Variants in CC2D2A observed in about 807,000 individuals in gnomAD.
CC2D2A encodes the protein coiled-coil and C2 domain-containing protein 2A.
Under a neutral mutation model 212.9 loss-of-function variants are expected in CC2D2A, and 155 were observed. The ratio of observed to expected loss-of-function variants is 0.73; its 90% CI spans 0.64 to 0.83. The LOEUF is 0.83. Ranked by LOEUF, CC2D2A falls within the 40% of genes least tolerant of loss-of-function variation. The probability of loss-of-function intolerance (pLI) is 0.00; values close to 1 mark genes in which losing one functional copy is unlikely to be tolerated. For synonymous variants in CC2D2A, 667 were observed against 686.5 expected, an observed-to-expected ratio of 0.97 and a Z score of 0.44; for missense variants, 1,856 against 1,956.2, an observed-to-expected ratio of 0.95 and a Z score of 0.97.
At chr4:15,487,358 C>T (rs1715053558) in intron 4 of CC2D2A, among the ~76,000 whole-genome samples, 1 of 152,026 alleles carries the variant, frequency 6.6e-6, no homozygotes, top group Non-Finnish European at 1.5e-5. Flanking sequence ...AGTATTATAT[C>T]CTCTTGATGA....
chr4:15,568,545 G>A (rs946250982), intron 26 of CC2D2A, among the ~76,000 whole-genome samples: 7 of 152,144 alleles, frequency 4.6e-5, no homozygotes, highest in Admixed American at 1.3e-4. Context: ...TCAAGATCAC[G>A]CCACTGCACT....
chr4:15,566,069 G>T (rs1238833260), intron 24 of CC2D2A, among the ~76,000 whole-genome samples: 2 of 152,230 alleles, frequency 1.3e-5, no homozygotes, highest in African/African-American at 2.4e-5. Context: ...TTTGCCCAGT[G>T]ATGAATGTGA....
chr4:15,500,885 C>A (rs1715909437), intron 4 of CC2D2A, among the ~76,000 whole-genome samples: 2 of 152,158 alleles, frequency 1.3e-5, no homozygotes. Flanking sequence ...CTTCAGCGCT[C>A]ACCATGGTTG....
chr4:15,516,351 T>A (rs1577340922), intron 10 of CC2D2A, among the ~76,000 whole-genome samples: 2 of 152,130 alleles, frequency 1.3e-5, no homozygotes, highest in Admixed American at 1.3e-4. Context: ...TTCTTAAATG[T>A]TTAATTAATA....
rs769867087 is a variant in CC2D2A at position 15,570,727 on chromosome 4, G to A, written c.3594+231G>A. Among the ~76,000 whole-genome samples, 10 of 152,084 alleles carry A rather than the reference G, an allele frequency of 6.6e-5. No individual in the cohort carries two copies. In the South Asian group the frequency reaches 8.3e-4, roughly 13 times the overall value. ...AAAAATTAGCCGGGCGTGGTGGTGC[G>A]CACCTGTAATCCCAGCTACTCGGGA... is the stretch of plus-strand genomic sequence containing the variant. On this transcript the variant is annotated intron_variant, in intron 28 of 36. Coordinates refer to ENST00000424120, the MANE Select transcript of CC2D2A (RefSeq NM_001378615.1).
At chr4:15,540,743 T>C (rs1236136075) in intron 16 of CC2D2A, 94 bp from the exon 17 acceptor site, 12 of 1,145,582 alleles carry the variant, frequency 1.0e-5, no homozygotes, top group Non-Finnish European at 1.4e-5. Flanking sequence ...TTGCCTGCAG[T>C]GTGTCTTGTT....
chr4:15,551,030 GA>G (rs1718982109), intron 18 of CC2D2A, 50 bp downstream of exon 18: 1 of 1,419,710 alleles, frequency 7.0e-7, no homozygotes, highest in Non-Finnish European at 9.8e-7. Context: ...TGTCAGATTT[GA>G]ATGTGTATAT....
At chr4:15,547,385 G>A (rs1718766161) in intron 17 of CC2D2A, among the ~76,000 whole-genome samples, 1 of 152,096 alleles carries the variant, frequency 6.6e-6, no homozygotes, top group Non-Finnish European at 1.5e-5. Context: ...ACCCTACTGT[G>A]CTATCAAACA....
chr4:15,532,115 T>G (rs1717878615), intron 13 of CC2D2A, among the ~76,000 whole-genome samples: 1 of 152,240 alleles, frequency 6.6e-6, no homozygotes, highest in South Asian at 2.1e-4. Context: ...GATTCAAACC[T>G]GTGTAGTCTG....
At chr4:15,553,400 T>C in intron 19 of CC2D2A, 95 bp downstream of exon 19, 1 of 1,357,260 alleles carries the variant, frequency 7.4e-7, no homozygotes, top group Non-Finnish European at 1.0e-6. Context: ...TATTCTTTCC[T>C]TTTATTGTCA....
intron 30 of CC2D2A, among the ~76,000 whole-genome samples, chr4:15,582,952 C>T (rs1577394261): frequency 6.6e-6 from 1 of 151,972 alleles, no homozygotes. Flanking sequence ...AAAATATTGC[C>T]AAACAAAATT....
chr4:15,518,774 G>A (rs983554658), intron 11 of CC2D2A, among the ~76,000 whole-genome samples: 6 of 152,348 alleles, frequency 3.9e-5, no homozygotes, highest in Admixed American at 1.3e-4. Flanking sequence ...GCCATGGCCC[G>A]AGTTGTACCT....
chr4:15,495,477 C>T (rs921820670), intron 4 of CC2D2A, among the ~76,000 whole-genome samples: 1 of 152,226 alleles, frequency 6.6e-6, no homozygotes, highest in Non-Finnish European at 1.5e-5. Flanking sequence ...TAAGAACATG[C>T]GGTATTTGGT....
At chr4:15,588,988 T>G (rs888773767) in intron 32 of CC2D2A, among the ~76,000 whole-genome samples, 1 of 151,850 alleles carries the variant, frequency 6.6e-6, no homozygotes, top group Non-Finnish European at 1.5e-5. Flanking sequence ...AGAAGTCCCT[T>G]GTCAGAAGAT....
At chr4:15,501,735 T>C (rs1026031013) in intron 4 of CC2D2A, among the ~76,000 whole-genome samples, 7 of 152,282 alleles carry the variant, frequency 4.6e-5, no homozygotes, top group African/African-American at 1.7e-4. Flanking sequence ...CACGCAGGAC[T>C]GCAGAGCCTT....
At chr4:15,484,927 C>T (rs1714915623) in intron 4 of CC2D2A, among the ~76,000 whole-genome samples, 1 of 151,988 alleles carries the variant, frequency 6.6e-6, no homozygotes, top group Non-Finnish European at 1.5e-5. Context: ...CCACCTCTGC[C>T]CTCTTTCCTC....
rs563472004 is a variant in CC2D2A at position 15,506,222 on chromosome 4, A to T, written c.438+3299A>T. 3.0e-3 allele frequency among the ~76,000 whole-genome samples: 463 copies of T among 152,356 alleles called. 1 individual carries two copies. Among genetic ancestry groups the T allele is most frequent in the Middle Eastern group, 0.017 (5 of 294 alleles). ...ATGCTCAATCCTTTTAAGTATAATT[A>T]ATGGCCTTAAATGTATTAATATAAT... On this transcript the variant is annotated intron_variant, in intron 6 of 36. Coordinates refer to ENST00000424120, the MANE Select transcript of CC2D2A (RefSeq NM_001378615.1).
intron 11 of CC2D2A, 85 bp from the exon 12 acceptor site, chr4:15,527,362 G>C (rs975697391): frequency 6.1e-6 from 6 of 989,180 alleles, no homozygotes; most frequent in Admixed American, 4.3e-5. Context: ...TTTTGCATCT[G>C]ACCGTTTTCC....
At chr4:15,478,873 GC>G in intron 3 of CC2D2A, 67 bp downstream of exon 3, 1 of 1,297,684 alleles carries the variant, frequency 7.7e-7, no homozygotes, top group Non-Finnish European at 1.1e-6. Context: ...CATCCCCAGG[GC>G]CATACAGAAT....
Sources: allele counts gnomAD v4.1 joint callset (sites outside exome capture counted in the v4.1 genomes callset), GRCh38; gene constraint gnomAD v4.1.1; transcripts MANE v1.5; gene names NCBI Gene and HGNC (gene_info 2026-07-23, HGNC 2026-07-21).